SPAG16: variants seen among roughly 807,000 people sequenced by gnomAD.
SPAG16 encodes the protein sperm associated antigen 16.
Under a neutral mutation model 80.4 loss-of-function variants are expected in SPAG16, and 86 were observed. The observed-to-expected ratio is 1.07, with a 90% CI of 0.90 to 1.28. SPAG16 has a LOEUF of 1.28. Among genes scored for constraint, SPAG16 ranks in the 50% most tolerant of loss-of-function variants. SPAG16 has a pLI of 0.00. For synonymous variants in SPAG16, 294 were observed against 265.9 expected (o/e 1.11, Z -1.03); for missense variants, 870 against 765.3 (o/e 1.14, Z -1.61).
chr2:213,631,166 G>T (rs1342070368), intron 10 of SPAG16, among the ~76,000 whole-genome samples: 1 of 151,974 alleles, frequency 6.6e-6, no homozygotes, highest in Non-Finnish European at 1.5e-5. Flanking sequence ...AGTTTCTCAG[G>T]TGTCAAAAAG....
At chr2:214,041,997 TATATATATATAC>T (rs1251741715) in intron 13 of SPAG16, among the ~76,000 whole-genome samples, 71 of 129,830 alleles carry the variant, frequency 5.5e-4, no homozygotes, top group African/African-American at 1.9e-3. Context: ...TATATATATA[TATATATATATAC>T]ACACACACAC....
chr2:214,371,512 G>A (rs1418604602), intron 15 of SPAG16, among the ~76,000 whole-genome samples: 4 of 132,632 alleles, frequency 3.0e-5, no homozygotes, highest in African/African-American at 9.2e-5. Flanking sequence ...AGCCTGGGCC[G>A]TAAGAGCACA....
intron 10 of SPAG16, among the ~76,000 whole-genome samples, chr2:213,586,441 A>T (rs2060475814): frequency 6.6e-6 from 1 of 152,194 alleles, no homozygotes; most frequent in South Asian, 2.1e-4. Context: ...ACCCAAAGGC[A>T]CCACCTCCTA....
chr2:213,380,375 A>G (rs1355569592), intron 9 of SPAG16, among the ~76,000 whole-genome samples: 3 of 152,190 alleles, frequency 2.0e-5, no homozygotes, highest in Non-Finnish European at 4.4e-5. Flanking sequence ...ACCTGATCAT[A>G]GGTAACTCCC....
chr2:213,676,626 A>G (rs1164622716), intron 10 of SPAG16, among the ~76,000 whole-genome samples: 3 of 152,176 alleles, frequency 2.0e-5, no homozygotes, highest in Non-Finnish European at 4.4e-5. Flanking sequence ...CCTTTTCTGC[A>G]TCTATTGAGA....
At chr2:213,843,734 C>G (rs1335833473) in intron 10 of SPAG16, among the ~76,000 whole-genome samples, 1 of 151,950 alleles carries the variant, frequency 6.6e-6, no homozygotes, top group Non-Finnish European at 1.5e-5. Context: ...GTCTGTAGTT[C>G]CAGCTACTTG....
At chr2:213,976,259 C>T (rs1243567116) in intron 12 of SPAG16, among the ~76,000 whole-genome samples, 1 of 149,954 alleles carries the variant, frequency 6.7e-6, no homozygotes, top group South Asian at 2.1e-4. Context: ...CGTGTATATA[C>T]ACACATATAC....
intron 15 of SPAG16, among the ~76,000 whole-genome samples, chr2:214,393,891 A>G (rs995953373): frequency 2.6e-5 from 4 of 152,152 alleles, no homozygotes; most frequent in Admixed American, 2.6e-4. Context: ...AATAATGTCT[A>G]TTTTTTAAAA....
rs1325988065 is a variant in SPAG16, at chr2:213,945,652, C to T, written c.1400+15507C>T. Among the ~76,000 whole-genome samples the T allele has an allele frequency of 2.0e-5, 3 of 152,242 alleles. No individual in the cohort carries two copies. In the South Asian group the frequency reaches 6.2e-4, roughly 32 times the overall value. ...CTTAAGTGTTAATCTCTTTTGGCAA[C>T]ACCCTCACAGACACACCCAGGATCA... is the stretch of plus-strand genomic sequence containing the variant. On this transcript the variant is annotated intron_variant, in intron 12 of 15. Transcript: ENST00000331683.
chr2:213,725,432 G>A (rs933980), intron 10 of SPAG16, among the ~76,000 whole-genome samples: 140,735 of 152,202 alleles, frequency 0.92, 66,106 homozygotes, highest in East Asian at 1. Context: ...TCATCATCAT[G>A]GAATGCCCAT....
intron 6 of SPAG16, among the ~76,000 whole-genome samples, chr2:213,344,908 G>T (rs187003097): frequency 1.3e-5 from 2 of 152,130 alleles, no homozygotes; most frequent in African/African-American, 2.4e-5. Flanking sequence ...TAATGGGATC[G>T]CTGGGTCAAA....
chr2:213,687,856 C>A (rs2064759210), intron 10 of SPAG16, among the ~76,000 whole-genome samples: 1 of 152,086 alleles, frequency 6.6e-6, no homozygotes, highest in Non-Finnish European at 1.5e-5. Context: ...TTTTATTTCT[C>A]CTTTCCTTTA....
chr2:213,861,358 GTTGGTGTGGACTAGAGC>G (rs2075450854), intron 10 of SPAG16, among the ~76,000 whole-genome samples: 1 of 152,194 alleles, frequency 6.6e-6, no homozygotes, highest in Admixed American at 6.5e-5. Flanking sequence ...AGCTAGCCAT[GTTGGTGTGGACTAGAGC>G]CATGGTTTCT....
At chr2:213,789,344 T>C (rs372586064) in intron 10 of SPAG16, among the ~76,000 whole-genome samples, 73 of 152,096 alleles carry the variant, frequency 4.8e-4, no homozygotes, top group African/African-American at 1.5e-3. Flanking sequence ...CAGTCATTTA[T>C]GTGCTTTATC....
intron 15 of SPAG16, among the ~76,000 whole-genome samples, chr2:214,206,371 T>A (rs1344372918): frequency 6.6e-6 from 1 of 152,186 alleles, no homozygotes; most frequent in Non-Finnish European, 1.5e-5. Flanking sequence ...AGTGAGAACA[T>A]GTAATATTTG....
chr2:213,409,568 T>G (rs2068848348), intron 9 of SPAG16, among the ~76,000 whole-genome samples: 1 of 152,108 alleles, frequency 6.6e-6, no homozygotes, highest in African/African-American at 2.4e-5. Flanking sequence ...TTAACAAAAA[T>G]TATAAAAGGT....
At chr2:213,825,701 C>CTTTTTTTTT (rs55777958) in intron 10 of SPAG16, among the ~76,000 whole-genome samples, 14 of 109,762 alleles carry the variant, frequency 1.3e-4, no homozygotes, top group East Asian at 5.2e-4. Flanking sequence ...TTCTTTCTTT[C>CTTTTTTTTT]TTTTTTTTTT....
At chr2:213,288,153 A>G (rs1047500247) in intron 1 of SPAG16, among the ~76,000 whole-genome samples, 1 of 152,088 alleles carries the variant, frequency 6.6e-6, no homozygotes, top group African/African-American at 2.4e-5. Flanking sequence ...CCTGTGCTCA[A>G]GGCATCCTAC....
rs759264491 is a variant in SPAG16, at chr2:213,340,238, G to T, written c.612G>T (p.Gln204His). The T allele has an allele frequency of 6.2e-7, 1 of 1,609,556 alleles. No individual in the cohort carries two copies. The highest frequency in any genetic ancestry group is 8.5e-7 in the Non-Finnish European group (1 of 1,177,890). ...GAATGCATCATAAGCGAATAGTCCA[G>T]GAAAAAAACAAATTAATTAATGACC... ...FHRMHHKRIV[Q>H]EKNKLINDLK... Residue 204 changes from glutamine (Q) to histidine (H), a missense_variant, in exon 6 of 16, where the codon CAG becomes CAT. Physicochemically the swap from Gln to His is conservative, Grantham distance 24. Transcript: ENST00000331683.
Sources: allele counts gnomAD v4.1 joint callset (sites outside exome capture counted in the v4.1 genomes callset), GRCh38; gene constraint gnomAD v4.1.1; transcripts MANE v1.5; gene names NCBI Gene and HGNC (gene_info 2026-07-23, HGNC 2026-07-21).